The following PIEZO2 variants were observed in gnomAD, a reference collection of about 807,000 sequenced individuals.
PIEZO2 encodes the protein piezo type mechanosensitive ion channel component 2.
PIEZO2 carries 172 observed loss-of-function variants against 337.3 expected under a neutral mutation model. The observed-to-expected ratio is 0.51, with a 90% CI of 0.45 to 0.58. The LOEUF (loss-of-function observed/expected upper bound fraction) is 0.58, where lower values mean the gene tolerates loss of function less well. Ranked by LOEUF, PIEZO2 falls within the 20% of genes least tolerant of loss-of-function variation. The pLI, the probability that PIEZO2 is intolerant of heterozygous loss-of-function variation, is 0.00. For synonymous variants in PIEZO2, 1,251 were observed against 1,228.5 expected (o/e 1.02, Z -0.38); for missense variants, 3,028 against 3,391.3 (o/e 0.89, Z 2.66).
intron 2 of PIEZO2, among the ~76,000 whole-genome samples, chr18:11,039,286 C>T (rs2145798508): frequency 6.6e-6 from 1 of 152,120 alleles, no homozygotes; most frequent in African/African-American, 2.4e-5. Context: ...ATTTTGCAGA[C>T]AAATGGAACA....
chr18:10,717,286 G>T (rs955970935), intron 37 of PIEZO2, among the ~76,000 whole-genome samples: 1 of 152,346 alleles, frequency 6.6e-6, no homozygotes. Flanking sequence ...CAATAAGAGT[G>T]TCCAGGTCCA....
intron 3 of PIEZO2, among the ~76,000 whole-genome samples, chr18:10,948,451 A>G (rs942116589): frequency 1.3e-5 from 2 of 152,218 alleles, no homozygotes; most frequent in African/African-American, 4.8e-5. Flanking sequence ...AATGCCAAAT[A>G]ACCCTAATGA....
At chr18:11,072,031 C>T (rs1270992226) in intron 1 of PIEZO2, among the ~76,000 whole-genome samples, 1 of 152,110 alleles carries the variant, frequency 6.6e-6, no homozygotes, top group Non-Finnish European at 1.5e-5. Flanking sequence ...GCACAGCTCA[C>T]ATGCTTCCCC....
At chr18:10,925,577 GA>G (rs200268577) in intron 3 of PIEZO2, among the ~76,000 whole-genome samples, 1 of 152,030 alleles carries the variant, frequency 6.6e-6, no homozygotes, top group Non-Finnish European at 1.5e-5. Flanking sequence ...TACAAAAAGT[GA>G]AAAAAAATTT....
At chr18:10,678,846 T>A (rs373767459) in intron 52 of PIEZO2, among the ~76,000 whole-genome samples, 2 of 152,106 alleles carry the variant, frequency 1.3e-5, no homozygotes, top group African/African-American at 4.8e-5. Flanking sequence ...TGCCCTCGCA[T>A]CTCACACGTT....
chr18:11,010,259 C>A (rs1364001253), intron 2 of PIEZO2, among the ~76,000 whole-genome samples: 1 of 152,132 alleles, frequency 6.6e-6, no homozygotes, highest in Admixed American at 6.5e-5. Flanking sequence ...GAAATTAAAG[C>A]CCTTAAAGCA....
chr18:11,142,148 T>C (rs1241732107), intron 1 of PIEZO2, among the ~76,000 whole-genome samples: 1 of 152,190 alleles, frequency 6.6e-6, no homozygotes, highest in Non-Finnish European at 1.5e-5. Flanking sequence ...ATAAAACTTA[T>C]ATGTATATGC....
At chr18:10,931,697 G>GGTGTGTGTGTGTGTGTGT (rs369138997) in intron 3 of PIEZO2, among the ~76,000 whole-genome samples, 59 of 143,546 alleles carry the variant, frequency 4.1e-4, no homozygotes, top group African/African-American at 1.3e-3. Context: ...TTCTCTGTGT[G>GGTGTGTGTGTGTGTGTGT]GTGTGTGTGT....
rs550156846 is a variant in PIEZO2 at position 10,863,334 on chromosome 18, C to T, written c.493-6123G>A. 3.3e-5 allele frequency among the ~76,000 whole-genome samples: 5 copies of T among 152,290 alleles called. No individual in the cohort carries two copies. The highest frequency in any genetic ancestry group is 5.9e-5 in the Non-Finnish European group (4 of 68,020). On this transcript the variant is annotated intron_variant, in intron 5 of 55. Coordinates refer to ENST00000674853, the MANE Select transcript of PIEZO2 (RefSeq NM_001378183.1). This position sits in a 1 kb window ranked among gnomAD's most constrained non-coding sequence, Gnocchi z 4.3. ...TTGTGTGTACCTTATGCAAGCCTAA[C>T]GTGATCGCATTTAATGGATAAAGCA...
intron 12 of PIEZO2, among the ~76,000 whole-genome samples, chr18:10,796,428 A>C (rs1391829367): frequency 1.3e-5 from 2 of 152,074 alleles, no homozygotes; most frequent in Admixed American, 1.3e-4. Context: ...CAAATCTAAG[A>C]TAAGATGTGA....
intron 41 of PIEZO2, among the ~76,000 whole-genome samples, 199 bp from the exon 42 acceptor site, chr18:10,704,851 A>AT (rs767730429): frequency 7.9e-5 from 12 of 151,652 alleles, no homozygotes; most frequent in African/African-American, 2.2e-4. Flanking sequence ...CACCCAGCTA[A>AT]TTTTTTTGTG....
chr18:10,950,230 A>G (rs1285290141), intron 3 of PIEZO2, among the ~76,000 whole-genome samples: 1 of 152,200 alleles, frequency 6.6e-6, no homozygotes, highest in Non-Finnish European at 1.5e-5. Context: ...AGTATGCTCT[A>G]TGTAACGAGA....
At chr18:10,901,838 A>G (rs1411178296) in intron 4 of PIEZO2, among the ~76,000 whole-genome samples, 1 of 152,114 alleles carries the variant, frequency 6.6e-6, no homozygotes, top group Admixed American at 6.5e-5. Context: ...TCCGGATTTT[A>G]ACTCTATCTT....
At position 11,053,726 on chromosome 18, in the gene PIEZO2, G is replaced by A. The variant is rs77924246; in HGVS notation, c.160+12401C>T. 7.1e-3 allele frequency among the ~76,000 whole-genome samples: 1,088 copies of A among 152,238 alleles called. 10 individuals carry two copies. Among genetic ancestry groups the A allele is most frequent in the African/African-American group, 0.024 (1,006 of 41,538 alleles). On this transcript the variant is annotated intron_variant, in intron 2 of 55. Coordinates refer to ENST00000674853, the MANE Select transcript of PIEZO2 (RefSeq NM_001378183.1). ...AGTTATAAGGAACCTGTAATATATC[G>A]GGTTAAAAGACTTAATACCTCGGGC... is the stretch of plus-strand genomic sequence containing the variant.
intron 1 of PIEZO2, among the ~76,000 whole-genome samples, chr18:11,081,039 TATTTGGGTAATA>T (rs2038719779): frequency 6.6e-6 from 1 of 152,098 alleles, no homozygotes; most frequent in Admixed American, 6.6e-5. Context: ...GGAAAAATAA[TATTTGGGTAATA>T]ATTTCCACTT....
intron 13 of PIEZO2, among the ~76,000 whole-genome samples, chr18:10,792,691 T>G (rs2039444633): frequency 6.6e-6 from 1 of 152,202 alleles, no homozygotes; most frequent in African/African-American, 2.4e-5. Context: ...GGCATTTGGA[T>G]CATTTCTATA....
Position 10,973,659 on chromosome 18 carries a change from C to T in PIEZO2, c.286+5876G>A, listed in dbSNP as rs989918050. Reference sequence around the variant, plus strand: ...AACATCTGCTTTCAGGAAGCTGGCCCGAGGAGAGAAGAAGGCTGTGTGTTG... The same window carrying T: ...AACATCTGCTTTCAGGAAGCTGGCCTGAGGAGAGAAGAAGGCTGTGTGTTG... On this transcript the variant is annotated intron_variant, in intron 3 of 55. Transcript: ENST00000674853. The surrounding 1 kb of genome is among the most constrained non-coding windows in gnomAD (Gnocchi z 4.9). Among the ~76,000 whole-genome samples, 1 of 151,992 alleles carries T rather than the reference C, an allele frequency of 6.6e-6. No individual in the cohort carries two copies. Among genetic ancestry groups the T allele is most frequent in the East Asian group, 1.9e-4 (1 of 5,176 alleles).
At chr18:10,971,653 T>C (rs948511248) in intron 3 of PIEZO2, among the ~76,000 whole-genome samples, 2 of 152,152 alleles carry the variant, frequency 1.3e-5, no homozygotes, top group Non-Finnish European at 2.9e-5. Context: ...GCATATACAG[T>C]CACTTCCGGC....
At chr18:10,688,407 C>T (rs1186960885) in intron 49 of PIEZO2, among the ~76,000 whole-genome samples, 3 of 152,050 alleles carry the variant, frequency 2.0e-5, no homozygotes, top group African/African-American at 7.2e-5. Context: ...ATTTTTAAAC[C>T]ACTGTATTTG....
Sources: gnomAD v4.1 joint callset for allele counts (sites outside exome capture counted in the v4.1 genomes callset) on GRCh38, gnomAD v4.1.1 for gene constraint, Gnocchi (gnomAD v3.1) non-coding constraint, MANE v1.5 for transcripts, NCBI Gene and HGNC (gene_info 2026-07-23, HGNC 2026-07-21) for gene names.